Variants in JMJD1C observed in about 807,000 individuals in gnomAD.
JMJD1C encodes jumonji domain containing 1C, also known as jumonji domain-containing protein 1C.
JMJD1C carries 31 observed loss-of-function variants against 245.3 expected under a neutral mutation model. The observed-to-expected ratio is 0.13, with a 90% CI of 0.09 to 0.17. The LOEUF is 0.17. Ranked by LOEUF, JMJD1C falls within the 10% of genes least tolerant of loss-of-function variation. The probability of loss-of-function intolerance (pLI) is 1.00; values close to 1 mark genes in which losing one functional copy is unlikely to be tolerated. For synonymous variants in JMJD1C, 1,057 were observed against 1,017.4 expected (o/e 1.04, Z -0.74); for missense variants, 2,691 against 3,000.2 (o/e 0.90, Z 2.41).
chr10:63,177,009 G>GT (rs1842921928), intron 23 of JMJD1C: 1 of 152,552 alleles, frequency 6.6e-6, no homozygotes, highest in Non-Finnish European at 1.5e-5. Context: ...TAAAATACAG[G>GT]TAAGTATTCA....
chr10:63,354,187 G>A (rs1208392257), intron 2 of JMJD1C, among the ~76,000 whole-genome samples: 2 of 152,176 alleles, frequency 1.3e-5, no homozygotes, highest in Non-Finnish European at 2.9e-5. Context: ...CAAAGGTTAA[G>A]TACAATATAA....
At chr10:63,438,856 G>A (rs758481904) in intron 1 of JMJD1C, among the ~76,000 whole-genome samples, 20 of 151,988 alleles carry the variant, frequency 1.3e-4, no homozygotes, top group Non-Finnish European at 2.5e-4. Flanking sequence ...TGTCACCTCC[G>A]CCCCCTCAAC....
At chr10:63,356,440 C>CA (rs1193213771) in intron 2 of JMJD1C, among the ~76,000 whole-genome samples, 4 of 152,100 alleles carry the variant, frequency 2.6e-5, no homozygotes, top group Non-Finnish European at 5.9e-5. Flanking sequence ...CACTGAAGAA[C>CA]AAAAAAGACC....
At chr10:63,396,970 T>C (rs1021264794) in intron 1 of JMJD1C, among the ~76,000 whole-genome samples, 8 of 150,706 alleles carry the variant, frequency 5.3e-5, no homozygotes, top group African/African-American at 1.9e-4. Context: ...ACTCTCGTTG[T>C]CTAAGCTGGA....
chr10:63,368,908 A>C (rs537079655), intron 2 of JMJD1C, among the ~76,000 whole-genome samples: 23 of 151,824 alleles, frequency 1.5e-4, no homozygotes, highest in African/African-American at 5.3e-4. Context: ...CTCGCCTCCC[A>C]AAGTGCTGGG....
At chr10:63,483,277 G>C (rs1330057668) in intron 1 of JMJD1C, among the ~76,000 whole-genome samples, 2 of 152,192 alleles carry the variant, frequency 1.3e-5, no homozygotes, top group African/African-American at 4.8e-5. Context: ...AAACAATCCA[G>C]ACATTTCTAC....
chr10:63,466,139 AGGC>A (rs3841602), upstream of JMJD1C: 42 of 176,894 alleles, frequency 2.4e-4, no homozygotes, highest in African/African-American at 4.1e-4. Context: ...CCAGATCCAG[AGGC>A]GGCGGCGGCG....
chr10:63,377,160 G>GA (rs1554909308), intron 2 of JMJD1C, among the ~76,000 whole-genome samples: 1 of 152,046 alleles, frequency 6.6e-6, no homozygotes, highest in Non-Finnish European at 1.5e-5. Flanking sequence ...AGTGAAATGA[G>GA]CCCGTTACAA....
intron 10 of JMJD1C, chr10:63,203,619 T>G (rs906206505): frequency 1.5e-5 from 14 of 960,272 alleles, no homozygotes; most frequent in Non-Finnish European, 1.6e-5. Context: ...AAATGTAAGA[T>G]AGAAGTAAAT....
At chr10:63,254,446 A>G (rs1853564311) in intron 3 of JMJD1C, among the ~76,000 whole-genome samples, 1 of 152,216 alleles carries the variant, frequency 6.6e-6, no homozygotes, top group Admixed American at 6.5e-5. Flanking sequence ...GTGCCACACA[A>G]AAGAGAATGA....
rs569994694 is a variant in JMJD1C, at chr10:63,359,628, A to G, written c.333+20690T>C. Among the ~76,000 whole-genome samples the G allele has an allele frequency of 2.1e-3, 326 of 152,302 alleles. 2 individuals carry two copies. The highest frequency in any genetic ancestry group is 7.6e-3 in the African/African-American group (316 of 41,580). Reference sequence around the variant, plus strand: ...ATAGGAATTTTGTGGTCTCAGTACAAGTTTTAACTTTGTTTTAATCTAGTT... The same window carrying G: ...ATAGGAATTTTGTGGTCTCAGTACAGGTTTTAACTTTGTTTTAATCTAGTT... On this transcript the variant is annotated intron_variant, in intron 2 of 25. Coordinates refer to ENST00000399262, the MANE Select transcript of JMJD1C (RefSeq NM_032776.3).
intron 2 of JMJD1C, among the ~76,000 whole-genome samples, chr10:63,309,604 T>C (rs1042310246): frequency 9.3e-5 from 14 of 150,424 alleles, no homozygotes; most frequent in Admixed American, 1.3e-4. Flanking sequence ...CCAATCCACA[T>C]TGAAACATTT....
chr10:63,361,707 T>C (rs1589581261), intron 2 of JMJD1C, among the ~76,000 whole-genome samples: 1 of 63,680 alleles, frequency 1.6e-5, no homozygotes, highest in Non-Finnish European at 2.8e-5. Context: ...AACAGAACAA[T>C]ACTGTCTCAA....
intron 1 of JMJD1C, among the ~76,000 whole-genome samples, chr10:63,496,374 T>C (rs1342969616): frequency 6.6e-6 from 1 of 152,034 alleles, no homozygotes; most frequent in East Asian, 1.9e-4. Flanking sequence ...GAAAAAAAAA[T>C]AAGATAATTG....
At chr10:63,169,432 G>T (rs1267269288) in intron 24 of JMJD1C, among the ~76,000 whole-genome samples, 1 of 152,086 alleles carries the variant, frequency 6.6e-6, no homozygotes, top group Non-Finnish European at 1.5e-5. Flanking sequence ...TGGGAAAGGA[G>T]AAATAATTGA....
At chr10:63,398,636 T>TG (rs1426822906) in intron 1 of JMJD1C, among the ~76,000 whole-genome samples, 1 of 149,050 alleles carries the variant, frequency 6.7e-6, no homozygotes, top group African/African-American at 2.5e-5. Flanking sequence ...ATTTACTATC[T>TG]GAAAAAAAAT....
intron 3 of JMJD1C, among the ~76,000 whole-genome samples, chr10:63,264,146 T>A (rs1367843555): frequency 1.3e-5 from 2 of 152,012 alleles, no homozygotes; most frequent in Non-Finnish European, 2.9e-5. Context: ...TTTTCCTAAT[T>A]AAATGTATTT....
At chr10:63,305,820 A>G (rs1456615250) in intron 2 of JMJD1C, among the ~76,000 whole-genome samples, 1 of 150,998 alleles carries the variant, frequency 6.6e-6, no homozygotes, top group Non-Finnish European at 1.5e-5. Flanking sequence ...GCAGCCTTGA[A>G]CTCCTGGGCT....
chr10:63,324,935 CCAAA>C (rs889571413), intron 2 of JMJD1C, among the ~76,000 whole-genome samples: 1 of 152,126 alleles, frequency 6.6e-6, no homozygotes, highest in African/African-American at 2.4e-5. Flanking sequence ...TTCATACAAA[CCAAA>C]CATACATTTT....
Sources: gnomAD v4.1 joint callset for allele counts (sites outside exome capture counted in the v4.1 genomes callset) on GRCh38, gnomAD v4.1.1 for gene constraint, MANE v1.5 for transcripts, NCBI Gene and HGNC (gene_info 2026-07-23, HGNC 2026-07-21) for gene names.